Variants in GALNT14 observed in about 807,000 individuals in gnomAD.
GALNT14 encodes the protein UDP-GalNAc:polypeptide N-acetylgalactosaminyltransferase 14.
Under a neutral mutation model 77.5 loss-of-function variants are expected in GALNT14, and 60 were observed. That is an observed-to-expected ratio of 0.77 (90% confidence interval 0.63 to 0.96). GALNT14 has a LOEUF of 0.96. Ranked by LOEUF, GALNT14 falls within the 40% of genes least tolerant of loss-of-function variation. The probability of loss-of-function intolerance (pLI) is 0.00; values close to 1 mark genes in which losing one functional copy is unlikely to be tolerated. For missense variants in GALNT14, 710 were observed against 731.0 expected (o/e 0.97, Z 0.33); for synonymous variants, 280 against 281.7 (o/e 0.99, Z 0.06).
At chr2:31,070,908 A>G (rs959055053) in intron 1 of GALNT14, among the ~76,000 whole-genome samples, 3 of 152,254 alleles carry the variant, frequency 2.0e-5, no homozygotes, top group African/African-American at 7.2e-5. Context: ...AACAGGGACC[A>G]GGGCCTCCTC....
At chr2:30,926,551 T>A (rs930064063) in intron 11 of GALNT14, among the ~76,000 whole-genome samples, 1 of 152,166 alleles carries the variant, frequency 6.6e-6, no homozygotes, top group Non-Finnish European at 1.5e-5. Flanking sequence ...ATCAGCAGCA[T>A]AGATATAGTG....
At chr2:30,894,894 C>A in the GALNT14 span, among the ~76,000 whole-genome samples, 1 of 152,174 alleles carries the variant, frequency 6.6e-6, no homozygotes, top group African/African-American at 2.4e-5. Context: ...CTCCAGGCAG[C>A]TTTGGAATGT....
chr2:30,978,843 G>A (rs1377377983), intron 2 of GALNT14, among the ~76,000 whole-genome samples: 1 of 152,176 alleles, frequency 6.6e-6, no homozygotes. Context: ...AAGGGTGATA[G>A]ACAGTAAGCT....
At chr2:30,948,177 CT>C (rs1666817670) in intron 6 of GALNT14, among the ~76,000 whole-genome samples, 2 of 152,358 alleles carry the variant, frequency 1.3e-5, no homozygotes, top group South Asian at 4.1e-4. Context: ...TCAGAGATAT[CT>C]TCTGTATGTC....
chr2:31,062,058 T>C (rs968390011), intron 1 of GALNT14, among the ~76,000 whole-genome samples: 3 of 152,250 alleles, frequency 2.0e-5, no homozygotes, highest in Non-Finnish European at 4.4e-5. Flanking sequence ...TAATTTTTTT[T>C]ATTTTACTTT....
At chr2:30,896,813 C>T in the GALNT14 span, among the ~76,000 whole-genome samples, 1 of 152,056 alleles carries the variant, frequency 6.6e-6, no homozygotes, top group African/African-American at 2.4e-5. Context: ...TCCCTCTTCT[C>T]CTCTGTCTCC....
In GALNT14 at chr2:30,944,887, A is replaced by G; in HGVS notation, c.798T>C (p.Ala266=). 6.2e-7 allele frequency: 1 copy of G among 1,610,710 alleles called. No individual in the cohort carries two copies. The highest frequency in any genetic ancestry group is 8.5e-7 in the Non-Finnish European group (1 of 1,177,744). Residue 266 remains alanine (A), a synonymous_variant, in exon 8 of 15, where the codon GCT becomes GCC. Transcript: ENST00000349752. The part of the protein sequence containing the change: ...QWEQLSPEQK[A]RRLDPTEPIR... ...TGGGCTCCGTGGGGTCCAGGCGCCG[A>G]GCCTTCTGCTCTGGGGAGAGCTGCT...
intron 1 of GALNT14, among the ~76,000 whole-genome samples, chr2:31,023,910 A>T (rs1192727125): frequency 6.6e-6 from 1 of 152,076 alleles, no homozygotes; most frequent in Non-Finnish European, 1.5e-5. Flanking sequence ...GGTGACTCCC[A>T]AATTTATATC....
At chr2:30,982,507 A>G (rs1669050758) in intron 2 of GALNT14, among the ~76,000 whole-genome samples, 1 of 152,262 alleles carries the variant, frequency 6.6e-6, no homozygotes, top group Non-Finnish European at 1.5e-5. Flanking sequence ...TGTGTCTTGC[A>G]AAATGTGGCT....
At position 30,944,793 on chromosome 2, in the gene GALNT14, C is replaced by A. The variant is rs1666585231; in HGVS notation, c.827+65G>T. 2.4e-6 allele frequency: 3 copies of A among 1,267,692 alleles called. No individual in the cohort carries two copies. The African/African-American group carries it at 4.4e-5, about 19-fold the overall frequency. 78.5% of individuals were successfully genotyped at this position (1,267,692 alleles called of 1,614,324 possible). On this transcript the variant is annotated intron_variant, in intron 8 of 14. Coordinates refer to ENST00000349752, the MANE Select transcript of GALNT14 (RefSeq NM_024572.4). ...CTTTGACATCTGATATTGAGCACCT[C>A]CCTACACTTGACAGGATCCAGTGGT...
At chr2:30,986,906 C>G (rs1347215518) in intron 2 of GALNT14, 1 of 152,144 alleles carries the variant, frequency 6.6e-6, no homozygotes, top group East Asian at 1.9e-4. Context: ...GCTAGGATGT[C>G]CCCAGGCAAG....
chr2:30,904,947 G>A, the GALNT14 span, among the ~76,000 whole-genome samples: 8 of 151,952 alleles, frequency 5.3e-5, no homozygotes, highest in Non-Finnish European at 1.2e-4. Context: ...CCCAGCAGGG[G>A]CACACTGACA....
intron 1 of GALNT14, among the ~76,000 whole-genome samples, chr2:31,018,336 T>C (rs60448040): frequency 7.2e-4 from 110 of 152,340 alleles, no homozygotes; most frequent in African/African-American, 2.2e-3. Flanking sequence ...GGGTAATTTA[T>C]AAAGAAAAGA....
At chr2:30,952,323 C>T (rs996132544) in intron 6 of GALNT14, among the ~76,000 whole-genome samples, 20 of 151,762 alleles carry the variant, frequency 1.3e-4, no homozygotes, top group South Asian at 4.2e-4. Context: ...ATGTTTATTG[C>T]GGCATTATTC....
chr2:30,932,243 AGCTTTGAG>A (rs1455968190), intron 9 of GALNT14, 49 bp from the exon 10 acceptor site: 1 of 1,384,788 alleles, frequency 7.2e-7, no homozygotes, highest in East Asian at 2.8e-5. Context: ...CTGCTGCTGC[AGCTTTGAG>A]GCCCCAGGTC....
chr2:30,993,040 G>C, intron 1 of GALNT14, 33 bp from the exon 2 acceptor site: 1 of 1,607,956 alleles, frequency 6.2e-7, no homozygotes, highest in Non-Finnish European at 8.5e-7. Context: ...CTGTGAGAAC[G>C]GCTCCCTGTC....
At chr2:30,998,196 A>C (rs1445248961) in intron 1 of GALNT14, among the ~76,000 whole-genome samples, 1 of 152,238 alleles carries the variant, frequency 6.6e-6, no homozygotes, top group Non-Finnish European at 1.5e-5. Context: ...ATCTGGCATC[A>C]AAAACTAAAG....
chr2:30,956,892 G>A (rs1348964356), intron 4 of GALNT14, among the ~76,000 whole-genome samples: 1 of 152,234 alleles, frequency 6.6e-6, no homozygotes, highest in Non-Finnish European at 1.5e-5. Context: ...AAGAATAAAT[G>A]AGATTTTAGA....
intron 1 of GALNT14, among the ~76,000 whole-genome samples, chr2:31,081,663 C>T (rs930673291): frequency 6.6e-6 from 1 of 152,200 alleles, no homozygotes; most frequent in Non-Finnish European, 1.5e-5. Context: ...CCACTCAAGA[C>T]TCAGACGTGG....
Sources: gnomAD v4.1 joint callset for allele counts (sites outside exome capture counted in the v4.1 genomes callset) on GRCh38, gnomAD v4.1.1 for gene constraint, MANE v1.5 for transcripts, NCBI Gene and HGNC (gene_info 2026-07-23, HGNC 2026-07-21) for gene names.